Variants in FANCB observed in about 807,000 individuals in gnomAD.
FANCB encodes Fanconi anemia group B protein.
A neutral mutation model predicts 38.9 loss-of-function variants in FANCB; 5 were observed. The observed-to-expected ratio is 0.13, with a 90% CI of 0.07 to 0.27. The LOEUF is 0.27. Among genes scored for constraint, FANCB ranks in the 10% least tolerant of loss-of-function variants. FANCB has a pLI of 1.00. For missense variants in FANCB, 573 were observed against 602.7 expected (o/e 0.95, Z 0.52); for synonymous variants, 236 against 215.4 (o/e 1.10, Z -0.84).
At chrX:14,731,900 A>ATACTT in the FANCB span, 6 of 111,271 alleles carry the variant, frequency 5.4e-5, no homozygotes, top group East Asian at 1.1e-3. Flanking sequence ...TTTTCTTATT[A>ATACTT]TACTTTAAGT....
chrX:14,759,067 C>A, the FANCB span, among the ~76,000 whole-genome samples: 1 of 111,388 alleles, frequency 9.0e-6, no homozygotes, highest in Non-Finnish European at 1.9e-5. Flanking sequence ...TAGAGAAATG[C>A]AAAATACACT....
chrX:14,816,057 T>C, the FANCB span, among the ~76,000 whole-genome samples: 1 of 111,985 alleles, frequency 8.9e-6, no homozygotes, highest in Non-Finnish European at 1.9e-5. Flanking sequence ...TTACTTAATG[T>C]ATACAATGTA....
the FANCB span, among the ~76,000 whole-genome samples, chrX:14,691,642 G>C: frequency 9.0e-6 from 1 of 111,418 alleles, no homozygotes; most frequent in African/African-American, 3.3e-5. Flanking sequence ...AATGTTAGGA[G>C]GGGCACCAGC....
At chrX:14,734,318 T>C in the FANCB span, among the ~76,000 whole-genome samples, 30 of 112,244 alleles carry the variant, frequency 2.7e-4, no homozygotes, top group African/African-American at 9.4e-4. Context: ...CCAATTAACT[T>C]ATATAACTTT....
the FANCB span, chrX:14,731,931 C>T: frequency 1.8e-5 from 2 of 110,934 alleles, no homozygotes; most frequent in Non-Finnish European, 3.8e-5. Flanking sequence ...ATTTGCAGAA[C>T]GTGCAGGTTT....
intron 2 of FANCB, among the ~76,000 whole-genome samples, chrX:14,867,959 G>C (rs751790958): frequency 4.5e-5 from 5 of 111,185 alleles, no homozygotes; most frequent in South Asian, 7.4e-4. Context: ...CAAAAAAAAT[G>C]CTCAATATCA....
At chrX:14,735,839 C>T in the FANCB span, among the ~76,000 whole-genome samples, 3 of 111,645 alleles carry the variant, frequency 2.7e-5, no homozygotes, top group African/African-American at 9.8e-5. Flanking sequence ...CCCACAGCCG[C>T]CCCTTCTCCC....
chrX:14,734,668 T>C, the FANCB span, among the ~76,000 whole-genome samples: 1 of 111,833 alleles, frequency 8.9e-6, no homozygotes, highest in Non-Finnish European at 1.9e-5. Context: ...TTTTCTTTCA[T>C]TTCAACCTTG....
chrX:14,757,871 C>T, the FANCB span, among the ~76,000 whole-genome samples: 109 of 111,691 alleles, frequency 9.8e-4, no homozygotes, highest in African/African-American at 3.4e-3. Flanking sequence ...AGACACAGCA[C>T]AGAAGCCACG....
chrX:14,843,390 A>G (rs2092360913), downstream of FANCB: 4 of 407,975 alleles, frequency 9.8e-6, no homozygotes, highest in South Asian at 1.8e-4. Flanking sequence ...GGAGAGGGAG[A>G]TAAAATGGCC....
At chrX:14,770,536 C>T in the FANCB span, among the ~76,000 whole-genome samples, 2 of 111,602 alleles carry the variant, frequency 1.8e-5, no homozygotes, top group South Asian at 3.7e-4. Context: ...TGTCTTTGCA[C>T]GAGATGGGTC....
chrX:14,750,455 A>G, the FANCB span, among the ~76,000 whole-genome samples: 9 of 112,133 alleles, frequency 8.0e-5, no homozygotes, highest in Admixed American at 8.5e-4. Context: ...TTTGGTGTAC[A>G]GGAAAAGATG....
At chrX:14,740,037 C>T in the FANCB span, among the ~76,000 whole-genome samples, 1 of 111,555 alleles carries the variant, frequency 9.0e-6, no homozygotes, top group Non-Finnish European at 1.9e-5. Flanking sequence ...ACAATTTGGT[C>T]AGTCCTCATA....
At chrX:14,810,009 A>G in the FANCB span, among the ~76,000 whole-genome samples, 1 of 112,080 alleles carries the variant, frequency 8.9e-6, no homozygotes, top group Non-Finnish European at 1.9e-5. Flanking sequence ...ATCAGACAGC[A>G]GCATTCGTGG....
the FANCB span, among the ~76,000 whole-genome samples, chrX:14,797,971 A>G: frequency 1.8e-5 from 2 of 110,653 alleles, no homozygotes; most frequent in African/African-American, 6.6e-5. Context: ...TTATAACTCT[A>G]AGACCTTAGC....
At chrX:14,765,843 T>G in the FANCB span, among the ~76,000 whole-genome samples, 14 of 110,970 alleles carry the variant, frequency 1.3e-4, no homozygotes, top group African/African-American at 4.6e-4. Context: ...GCCGGAGAAA[T>G]GAAAAGATGT....
chrX:14,746,644 C>T, the FANCB span, among the ~76,000 whole-genome samples: 1 of 111,846 alleles, frequency 8.9e-6, no homozygotes. Context: ...AAAAACTTTA[C>T]CAGTGAAAAT....
the FANCB span, among the ~76,000 whole-genome samples, chrX:14,709,089 G>T: frequency 9.0e-6 from 1 of 111,344 alleles, no homozygotes; most frequent in Non-Finnish European, 1.9e-5. Flanking sequence ...GAAAGGGAGA[G>T]CTGGGCCCAG....
the FANCB span, among the ~76,000 whole-genome samples, chrX:14,763,105 C>T: frequency 1.8e-5 from 2 of 111,402 alleles, no homozygotes; most frequent in Non-Finnish European, 3.8e-5. Flanking sequence ...GCTTAGTCCT[C>T]CATTAGCTAT....
Sources: allele counts gnomAD v4.1 joint callset (sites outside exome capture counted in the v4.1 genomes callset), GRCh38; gene constraint gnomAD v4.1.1; transcripts MANE v1.5; gene names NCBI Gene and HGNC (gene_info 2026-07-23, HGNC 2026-07-21).